The following ANKDD1B variants were observed in gnomAD, a reference collection of about 807,000 sequenced individuals.
The protein encoded by ANKDD1B is ankyrin repeat and death domain-containing protein 1B.
A neutral mutation model predicts 59.7 loss-of-function variants in ANKDD1B; 57 were observed. The ratio of observed to expected loss-of-function variants is 0.95; its 90% CI spans 0.77 to 1.19. The LOEUF is 1.19. Among genes scored for constraint, ANKDD1B ranks in the 50% most tolerant of loss-of-function variants. ANKDD1B has a pLI of 0.00. For missense variants in ANKDD1B, 602 were observed against 641.9 expected (o/e 0.94, Z 0.67); for synonymous variants, 216 against 239.5 (o/e 0.90, Z 0.91).
Position 75,671,015 on chromosome 5 carries a change from A to G in ANKDD1B, c.1562A>G (p.Asn521Ser). 8.1e-7 allele frequency: 1 copy of G among 1,229,712 alleles called. No homozygotes were observed. The highest frequency in any genetic ancestry group is 1.0e-6 in the Non-Finnish European group (1 of 985,874). The allele number at this position is 1,229,712 out of a possible 1,614,324, so 76.2% of individuals were successfully genotyped here. A position where few individuals can be genotyped will look rare whatever the true frequency, so the allele number is the denominator to read the frequency against. Residue 521 changes from asparagine to serine, a missense_variant, in exon 14 of 14, where the codon AAC (asparagine) becomes AGC (serine). Physicochemically the swap from Asn to Ser is conservative, Grantham distance 46 (BLOSUM62 1). Transcript: ENST00000601380. ...CATTTCAAAAGCAAAACTGACTCAA[A>G]CTCCAAGAAATGTGTAGTTTCATAA... ...TRHFKSKTDS[N>S]SKKCVVS
Position 75,648,115 on chromosome 5 carries a change from G to A in ANKDD1B, c.799-5027G>A, listed in dbSNP as rs867600020. Among the ~76,000 whole-genome samples the A allele has an allele frequency of 8.0e-3, 600 of 75,188 alleles. 11 individuals carry two copies. The highest frequency in any genetic ancestry group is 0.03 in the African/African-American group (551 of 18,568). The allele number at this position is 75,188 out of a possible 152,430, so 49.3% of individuals were successfully genotyped here. The stretch of plus-strand genomic sequence containing the variant: ...TGGGGACTGTGGTGGGGTGGGGGGA[G>A]GGGGGAGGGATAGCATTGGGAGATA... On this transcript the variant is annotated intron_variant, in intron 7 of 13. Transcript: ENST00000601380.
Sources: gnomAD v4.1 joint callset for allele counts (sites outside exome capture counted in the v4.1 genomes callset) on GRCh38, gnomAD v4.1.1 for gene constraint, MANE v1.5 for transcripts, NCBI Gene and HGNC (gene_info 2026-07-23, HGNC 2026-07-21) for gene names.